Variants in AKAP12 observed in about 807,000 individuals in gnomAD.
AKAP12 encodes A-kinase anchor protein 12.
Under a neutral mutation model 79.9 loss-of-function variants are expected in AKAP12, and 32 were observed. The ratio of observed to expected loss-of-function variants is 0.40; its 90% CI spans 0.30 to 0.54. The LOEUF is 0.54. AKAP12 is among the 20% of genes least tolerant of loss of function. The pLI, the probability that AKAP12 is intolerant of heterozygous loss-of-function variation, is 0.48. For missense variants in AKAP12, 2,074 were observed against 2,177.0 expected, an observed-to-expected ratio of 0.95 and a Z score of 0.94; for synonymous variants, 808 against 857.0, an observed-to-expected ratio of 0.94 and a Z score of 1.00.
At position 151,352,914 on chromosome 6, in the gene AKAP12, TGAAGTG is replaced by T; in HGVS notation, c.4529_4534del (p.Trp1510_Lys1511del). ...CTGGAAGGAGAGAAAACCACATCAC[TGAAGTG>T]GAAGTCAGATGAAGTCGATGAGCAG... On this transcript the variant is annotated inframe_deletion, in exon 4 of 5. Coordinates refer to ENST00000402676, the MANE Select transcript of AKAP12 (RefSeq NM_005100.4). 6.2e-7 allele frequency: 1 copy of T among 1,614,146 alleles called. No homozygotes were observed. The highest frequency in any genetic ancestry group is 8.5e-7 in the Non-Finnish European group (1 of 1,180,036).
At chr6:151,325,489 C>T in intron 3 of AKAP12, 1 of 985,400 alleles carries the variant, frequency 1.0e-6, no homozygotes, top group Non-Finnish European at 1.2e-6. Flanking sequence ...CAGAGCCCAG[C>T]TCGGGGGAGG....
At chr6:151,330,577 A>T (rs1173508734) in intron 3 of AKAP12, among the ~76,000 whole-genome samples, 1 of 152,020 alleles carries the variant, frequency 6.6e-6, no homozygotes, top group African/African-American at 2.4e-5. Flanking sequence ...AGCACTGGTG[A>T]TTCTCAGCCT....
Position 151,357,378 on chromosome 6 carries a change from G to C in AKAP12, c.*1664G>C, listed in dbSNP as rs1582907975. 2.0e-5 allele frequency: 3 copies of C among 152,292 alleles called. No homozygotes were observed. In the South Asian group the frequency reaches 6.2e-4, roughly 32 times the overall value. 9.4% of individuals were successfully genotyped at this position (152,292 alleles called of 1,614,324 possible). On this transcript the variant is annotated 3_prime_UTR_variant, in exon 5 of 5. Transcript: ENST00000402676. ...GTCACTTATCTACTCTTGACACACAGAACTGGCCTGGCATATAGCTTTCCA... is the reference window on the plus strand; with the variant it reads ...GTCACTTATCTACTCTTGACACACACAACTGGCCTGGCATATAGCTTTCCA...
chr6:151,324,443 G>A (rs1055916410), intron 3 of AKAP12: 26 of 985,268 alleles, frequency 2.6e-5, no homozygotes, highest in Non-Finnish European at 8.4e-6. Context: ...GTGCAACTAC[G>A]TGCCATGCCA....
chr6:151,286,943 CTTT>C (rs979438335), intron 2 of AKAP12, among the ~76,000 whole-genome samples: 1 of 146,032 alleles, frequency 6.8e-6, no homozygotes. Flanking sequence ...CTTTTTCTTT[CTTT>C]TTTTTTTTTT....
intron 3 of AKAP12, among the ~76,000 whole-genome samples, chr6:151,345,063 G>T (rs1439573829): frequency 6.6e-6 from 1 of 151,848 alleles, no homozygotes; most frequent in Non-Finnish European, 1.5e-5. Flanking sequence ...AAGTCTTGTT[G>T]TATGTACTAG....
Position 151,351,890 on chromosome 6 carries a change from A to G in AKAP12, c.3499A>G (p.Thr1167Ala). Reference protein sequence around the residue: ...AIPPDSVETPTDSETDGSTPV... With the variant: ...AIPPDSVETPADSETDGSTPV... ...CCCCCCTGACTCGGTGGAAACCCCT[A>G]CAGACAGTGAGACTGATGGAAGCAC... The change falls in exon 4 of 5, where the codon ACA becomes GCA. Residue 1167 changes from threonine to alanine, a missense_variant. Thr to Ala is a moderately conservative substitution (Grantham distance 58). Around this residue, in one of 3 missense-constraint regions of AKAP12, gnomAD observed 1,428 missense variants for 1,451.0 expected, o/e 0.98. Transcript: ENST00000402676. The surrounding 1 kb of genome is among the most constrained non-coding windows in gnomAD (Gnocchi z 4.4). 1 of 1,614,130 alleles carries G rather than the reference A, an allele frequency of 6.2e-7. No individual in the cohort carries two copies. The highest frequency in any genetic ancestry group is 8.5e-7 in the Non-Finnish European group (1 of 1,180,006).
intron 3 of AKAP12, chr6:151,319,554 A>C (rs1777326397): frequency 2.2e-5 from 2 of 89,214 alleles, no homozygotes; most frequent in African/African-American, 5.8e-5. Flanking sequence ...ATAGATATAT[A>C]TATCTATATA....
rs112152576 is a variant in AKAP12 at position 151,259,342 on chromosome 6, G to A, written c.162+18618G>A. ...ATTACAGGTGTGAGCCACGGCGCCC[G>A]GCCTATATTTTTTAAAATAACATAT... is the stretch of plus-strand genomic sequence containing the variant. On this transcript the variant is annotated intron_variant, in intron 2 of 4. Transcript: ENST00000402676. Among the ~76,000 whole-genome samples the A allele has an allele frequency of 3.9e-3, 588 of 150,518 alleles. 4 individuals carry two copies. The highest frequency in any genetic ancestry group is 0.014 in the African/African-American group (555 of 41,028).
intron 2 of AKAP12, among the ~76,000 whole-genome samples, chr6:151,246,728 A>AATTTTC (rs967330404): frequency 6.6e-6 from 1 of 152,118 alleles, no homozygotes; most frequent in African/African-American, 2.4e-5. Flanking sequence ...ACTGTTAATT[A>AATTTTC]ATTTTCATTT....
At chr6:151,337,069 T>C (rs530077463) in intron 3 of AKAP12, among the ~76,000 whole-genome samples, 21 of 152,292 alleles carry the variant, frequency 1.4e-4, no homozygotes, top group African/African-American at 4.6e-4. Flanking sequence ...ATTTATATTA[T>C]GGTATGTAAT....
chr6:151,240,128 T>C, intron 1 of AKAP12, 69 bp downstream of exon 1: 1 of 158,678 alleles, frequency 6.3e-6, no homozygotes, highest in Non-Finnish European at 1.4e-5. Context: ...CCCTGCTCTC[T>C]TGCCTTCTGA....
intron 2 of AKAP12, among the ~76,000 whole-genome samples, chr6:151,291,890 C>G (rs1250552976): frequency 6.6e-6 from 1 of 152,190 alleles, no homozygotes; most frequent in Non-Finnish European, 1.5e-5. Context: ...TGGCCTCTTT[C>G]CCTTCCTTCC....
chr6:151,350,822 A>G lies in AKAP12; in HGVS notation c.2431A>G (p.Ile811Val), dbSNP rs747306164. Residue 811 changes from isoleucine to valine, a missense_variant, in exon 4 of 5, where the codon ATT (isoleucine) becomes GTT (valine). By Grantham distance (29) the Ile-to-Val change is conservative. Transcript: ENST00000402676. The surrounding 1 kb of genome is among the most constrained non-coding windows in gnomAD (Gnocchi z 4.8). ...EESWVSIKKF[I>V]PGRRKKRPDG... ...ATCCTGGGTCTCAATCAAGAAGTTT[A>G]TTCCTGGACGAAGGAAGAAAAGGCC... 1.2e-6 allele frequency: 2 copies of G among 1,614,092 alleles called. No individual in the cohort carries two copies. The highest frequency in any genetic ancestry group is 1.7e-6 in the Non-Finnish European group (2 of 1,179,984).
chr6:151,253,663 C>A (rs545938725), intron 2 of AKAP12, among the ~76,000 whole-genome samples: 41 of 152,184 alleles, frequency 2.7e-4, no homozygotes, highest in African/African-American at 9.9e-4. Context: ...GGATTGTAGT[C>A]TACAAGAGAT....
intron 2 of AKAP12, among the ~76,000 whole-genome samples, chr6:151,289,205 C>T (rs1005368145): frequency 6.6e-6 from 1 of 152,204 alleles, no homozygotes; most frequent in Non-Finnish European, 1.5e-5. Flanking sequence ...CTGCCCTTCT[C>T]CGACAGAACC....
Position 151,351,449 on chromosome 6 carries a change from A to G in AKAP12, c.3058A>G (p.Thr1020Ala), listed in dbSNP as rs2114828387. 1 of 1,614,198 alleles carries G rather than the reference A, an allele frequency of 6.2e-7. No individual in the cohort carries two copies. The highest frequency in any genetic ancestry group is 8.5e-7 in the Non-Finnish European group (1 of 1,180,034). ...CTCCCCAGACACCACAGAGGAGGCC[A>G]CTCCGGTGCAGGAGGTGGAAGGTGG... is the stretch of plus-strand genomic sequence containing the variant. ...TDSPDTTEEA[T>A]PVQEVEGGVP... Residue 1020 changes from threonine (T) to alanine (A), a missense_variant, in exon 4 of 5, where the codon ACT (threonine) becomes GCT (alanine). This residue lies in a region of AKAP12 where 1,428 missense variants were observed against 1,451.0 expected (regional missense o/e 0.98). Coordinates refer to ENST00000402676, the MANE Select transcript of AKAP12 (RefSeq NM_005100.4). The surrounding 1 kb of genome is among the most constrained non-coding windows in gnomAD (Gnocchi z 4.4).
At chr6:151,345,965 A>C (rs12154003) in intron 3 of AKAP12, among the ~76,000 whole-genome samples, 2 of 125,378 alleles carry the variant, frequency 1.6e-5, no homozygotes, top group African/African-American at 3.4e-5. Context: ...GAGAGAGAGA[A>C]AGGAGAGACA....
At position 151,349,392 on chromosome 6, in the gene AKAP12, A is replaced by G. The variant is rs1778211580; in HGVS notation, c.1001A>G (p.Lys334Arg). 6.2e-7 allele frequency: 1 copy of G among 1,613,754 alleles called. No homozygotes were observed. Among genetic ancestry groups the G allele is most frequent in the African/African-American group, 1.3e-5 (1 of 74,860 alleles). Residue 334 changes from lysine to arginine, a missense_variant, in exon 4 of 5, where the codon AAA becomes AGA. By Grantham distance (26) the Lys-to-Arg change is conservative (BLOSUM62 2). This residue lies in a region of AKAP12 where 1,428 missense variants were observed against 1,451.0 expected (regional missense o/e 0.98). Transcript: ENST00000402676. ...AAGAAAAAGGAACAAGAGCCAGAAAAAGTAGACACAGAAGAAGACGGAAAG... is the reference window on the plus strand; with the variant it reads ...AAGAAAAAGGAACAAGAGCCAGAAAGAGTAGACACAGAAGAAGACGGAAAG... ...SEKKKEQEPE[K>R]VDTEEDGKAE...
Sources: allele counts gnomAD v4.1 joint callset (sites outside exome capture counted in the v4.1 genomes callset), GRCh38; gene constraint gnomAD v4.1.1; regional missense constraint gnomAD v4.1.1; non-coding constraint Gnocchi (gnomAD v3.1); transcripts MANE v1.5; gene names NCBI Gene and HGNC (gene_info 2026-07-23, HGNC 2026-07-21).